Variants in ACYP2 observed in about 807,000 individuals in gnomAD.
ACYP2 encodes the protein acylphosphatase 2.
A neutral mutation model predicts 11.2 loss-of-function variants in ACYP2; 12 were observed. That is an observed-to-expected ratio of 1.08 (90% CI 0.69 to 1.74). The LOEUF is 1.74. Among genes scored for constraint, ACYP2 ranks in the 40% most tolerant of loss-of-function variants. ACYP2 has a pLI of 0.00. For missense variants in ACYP2, 134 were observed against 101.9 expected, an observed-to-expected ratio of 1.31 and a Z score of -1.35; for synonymous variants, 43 against 32.2, an observed-to-expected ratio of 1.33 and a Z score of -1.13.
chr2:54,276,478 T>C (rs1688577278), intron 6 of ACYP2, among the ~76,000 whole-genome samples: 1 of 152,122 alleles, frequency 6.6e-6, no homozygotes, highest in Admixed American at 6.5e-5. Flanking sequence ...ATGGGTAGAA[T>C]CTTCATTAGT....
intron 6 of ACYP2, chr2:54,256,231 A>T: frequency 1.3e-6 from 2 of 1,494,596 alleles, no homozygotes; most frequent in Non-Finnish European, 1.8e-6. Context: ...CAAAATGGCG[A>T]GTAAACACCT....
At chr2:54,189,352 G>GC (rs1684140512) in intron 6 of ACYP2, among the ~76,000 whole-genome samples, 1 of 152,014 alleles carries the variant, frequency 6.6e-6, no homozygotes, top group Non-Finnish European at 1.5e-5. Flanking sequence ...CCTAACCACT[G>GC]CCTTATTCTC....
At chr2:54,272,293 C>G (rs1398708148) in intron 6 of ACYP2, among the ~76,000 whole-genome samples, 1 of 152,124 alleles carries the variant, frequency 6.6e-6, no homozygotes, top group Non-Finnish European at 1.5e-5. Context: ...GAGTCTGTGT[C>G]TCTGGGCTCC....
chr2:54,243,286 T>G (rs1686809020), intron 6 of ACYP2, among the ~76,000 whole-genome samples: 2 of 152,196 alleles, frequency 1.3e-5, no homozygotes, highest in South Asian at 2.1e-4. Context: ...TAGAGCCTAC[T>G]ACACACCTAG....
intron 4 of ACYP2, among the ~76,000 whole-genome samples, chr2:54,058,539 A>G (rs1450674353): frequency 6.6e-6 from 1 of 152,158 alleles, no homozygotes; most frequent in Non-Finnish European, 1.5e-5. Flanking sequence ...GAGTATTTAC[A>G]TTATGATGTC....
At chr2:54,005,703 C>T (rs576896579) in intron 2 of ACYP2, among the ~76,000 whole-genome samples, 42 of 152,182 alleles carry the variant, frequency 2.8e-4, no homozygotes, top group African/African-American at 8.4e-4. Flanking sequence ...TCATTTGACA[C>T]ATTTATACAT....
chr2:54,096,605 C>G (rs368462700), intron 4 of ACYP2, among the ~76,000 whole-genome samples: 1 of 152,068 alleles, frequency 6.6e-6, no homozygotes, highest in East Asian at 1.9e-4. Flanking sequence ...CCGAGGCTGG[C>G]GGATCCCTCG....
intron 4 of ACYP2, chr2:54,066,031 A>G (rs553389464): frequency 6.6e-6 from 1 of 152,368 alleles, no homozygotes; most frequent in African/African-American, 2.4e-5. Flanking sequence ...CCACTAATAA[A>G]TATGTATTTA....
intron 6 of ACYP2, among the ~76,000 whole-genome samples, chr2:54,268,433 AAAGGCAAAGT>A (rs1352151400): frequency 6.6e-6 from 1 of 152,106 alleles, no homozygotes; most frequent in Non-Finnish European, 1.5e-5. Flanking sequence ...GTGTCTTTTA[AAAGGCAAAGT>A]AAGGGAACTT....
chr2:54,133,305 G>C (rs115502041), intron 4 of ACYP2, among the ~76,000 whole-genome samples: 3 of 152,070 alleles, frequency 2.0e-5, no homozygotes, highest in Non-Finnish European at 4.4e-5. Flanking sequence ...TGTATCCCTG[G>C]TTCATTCCTT....
chr2:54,210,921 T>C lies in ACYP2; in HGVS notation c.404+72173T>C, dbSNP rs112437067. Among the ~76,000 whole-genome samples, 683 of 152,326 alleles carry C rather than the reference T, an allele frequency of 4.5e-3. 9 individuals carry two copies. The highest frequency in any genetic ancestry group is 0.015 in the African/African-American group (629 of 41,566). On this transcript the variant is annotated intron_variant, in intron 6 of 6. Transcript: ENST00000607452. ...GAAAAAAAATTTTTTTGCATACTTA[T>C]GACCATACTTATTTCCAATAAATTG...
intron 6 of ACYP2, among the ~76,000 whole-genome samples, chr2:54,251,243 C>T (rs1354554695): frequency 1.3e-5 from 2 of 152,096 alleles, no homozygotes; most frequent in East Asian, 1.9e-4. Context: ...TTGAATGGGC[C>T]TAGTAAATGA....
rs114116733 is a variant in ACYP2 at position 54,163,902 on chromosome 2, C to T, written c.404+25154C>T. 5.4e-3 allele frequency among the ~76,000 whole-genome samples: 823 copies of T among 152,030 alleles called. 8 individuals carry two copies. Among genetic ancestry groups the T allele is most frequent in the African/African-American group, 0.019 (790 of 41,462 alleles). ...CACTTATTATTTACTGAGCATCTGC[C>T]GTGGGGAGCATTGTGCTAGGCACTT... is the stretch of plus-strand genomic sequence containing the variant. On this transcript the variant is annotated intron_variant, in intron 6 of 6. Coordinates refer to ENST00000607452, the MANE Select transcript of ACYP2 (RefSeq NM_001320586.2).
Position 54,134,233 on chromosome 2 carries a change from C to A in ACYP2, c.278-1220C>A, listed in dbSNP as rs1372886320. On this transcript the variant is annotated intron_variant, in intron 4 of 6. Transcript: ENST00000607452. ...CCTTGAGCCCAGGAGTTTGAGGGGGCAGTGAGCTACGATTGCATCACTGTA... is the reference window on the plus strand; with the variant it reads ...CCTTGAGCCCAGGAGTTTGAGGGGGAAGTGAGCTACGATTGCATCACTGTA... Among the ~76,000 whole-genome samples, 5 of 152,172 alleles carry A rather than the reference C, an allele frequency of 3.3e-5. No homozygotes were observed. In the South Asian group the frequency reaches 8.3e-4, roughly 25 times the overall value.
chr2:54,100,567 C>T (rs1048516627), intron 4 of ACYP2, among the ~76,000 whole-genome samples: 5 of 151,928 alleles, frequency 3.3e-5, no homozygotes, highest in Admixed American at 2.6e-4. Flanking sequence ...CCTCACTTTC[C>T]CAAAGTTCTG....
chr2:54,200,131 G>T (rs1684695219), intron 6 of ACYP2, among the ~76,000 whole-genome samples: 1 of 152,138 alleles, frequency 6.6e-6, no homozygotes, highest in African/African-American at 2.4e-5. Flanking sequence ...GGAAGATGTG[G>T]AGTCAAAAAA....
chr2:54,135,539 C>A (rs1681172530), intron 5 of ACYP2, 70 bp downstream of exon 2: 1 of 1,356,234 alleles, frequency 7.4e-7, no homozygotes. Context: ...AGAGATAGGG[C>A]AGTTTTCTAC....
chr2:54,017,453 C>T (rs1396788645), intron 2 of ACYP2, among the ~76,000 whole-genome samples: 2 of 151,858 alleles, frequency 1.3e-5, no homozygotes, highest in African/African-American at 2.4e-5. Context: ...TGGGGTTTCA[C>T]CATGTTGGCC....
At chr2:54,000,060 A>G (rs1377981996) in intron 2 of ACYP2, among the ~76,000 whole-genome samples, 1 of 152,044 alleles carries the variant, frequency 6.6e-6, no homozygotes, top group East Asian at 1.9e-4. Context: ...CAGAAATTAT[A>G]TTAATTTACT....
Sources: allele counts gnomAD v4.1 joint callset (sites outside exome capture counted in the v4.1 genomes callset), GRCh38; gene constraint gnomAD v4.1.1; transcripts MANE v1.5; gene names NCBI Gene and HGNC (gene_info 2026-07-23, HGNC 2026-07-21).